Variants in COL25A1 observed in about 807,000 individuals in gnomAD.
COL25A1 encodes collagen type XXV alpha 1 chain, also known as collagen alpha-1(XXV) chain.
In COL25A1, 103 loss-of-function variants were observed where a neutral mutation model predicts 128.4. The observed-to-expected ratio is 0.80, with a 90% CI of 0.68 to 0.94. COL25A1 has a LOEUF of 0.94. Ranked by LOEUF, COL25A1 falls within the 40% of genes least tolerant of loss-of-function variation. The probability of loss-of-function intolerance (pLI) is 0.00; values close to 1 mark genes in which losing one functional copy is unlikely to be tolerated. For missense variants in COL25A1, 745 were observed against 840.0 expected (o/e 0.89, Z 1.40); for synonymous variants, 279 against 277.2 (o/e 1.01, Z -0.06).
At chr4:109,253,575 T>C (rs1780808153) in intron 3 of COL25A1, among the ~76,000 whole-genome samples, 1 of 152,076 alleles carries the variant, frequency 6.6e-6, no homozygotes, top group Non-Finnish European at 1.5e-5. Context: ...CAGAAAAACG[T>C]TTAACCAAAT....
At chr4:108,883,451 A>T (rs891944915) in intron 19 of COL25A1, among the ~76,000 whole-genome samples, 2 of 152,190 alleles carry the variant, frequency 1.3e-5, no homozygotes, top group Admixed American at 6.5e-5. Flanking sequence ...TAGAATATAT[A>T]AAAAAACTTT....
intron 6 of COL25A1, among the ~76,000 whole-genome samples, chr4:108,983,308 G>A (rs1269829513): frequency 2.6e-5 from 4 of 152,058 alleles, no homozygotes; most frequent in Admixed American, 2.6e-4. Flanking sequence ...TGCCCTAGTA[G>A]CCCTGTGATT....
At chr4:109,177,511 C>A (rs1355175118) in intron 3 of COL25A1, among the ~76,000 whole-genome samples, 1 of 152,150 alleles carries the variant, frequency 6.6e-6, no homozygotes, top group Non-Finnish European at 1.5e-5. Flanking sequence ...CCACCCCAGA[C>A]CCTATTCCTT....
intron 3 of COL25A1, among the ~76,000 whole-genome samples, chr4:109,219,160 G>A (rs559869385): frequency 6.6e-6 from 1 of 152,210 alleles, no homozygotes; most frequent in African/African-American, 2.4e-5. Context: ...CAGTCTGGAA[G>A]GCTTGATTTA....
chr4:109,081,994 C>G lies in COL25A1; in HGVS notation c.368-31815G>C, dbSNP rs28769054. On this transcript the variant is annotated intron_variant, in intron 3 of 37. Transcript: ENST00000399132. ...TGCTGGGATTACAGGTGTGAGCCACCGCGCGTAGCCCACTAATCTCTTTTC... is the reference window on the plus strand; with the variant it reads ...TGCTGGGATTACAGGTGTGAGCCACGGCGCGTAGCCCACTAATCTCTTTTC... Among the ~76,000 whole-genome samples the G allele has an allele frequency of 9.3e-3, 1,415 of 152,278 alleles. 24 individuals carry two copies. Among genetic ancestry groups the G allele is most frequent in the African/African-American group, 0.032 (1,336 of 41,558 alleles).
At chr4:108,940,789 G>C in intron 9 of COL25A1, 143 bp from the exon 10 acceptor site, 1 of 584,520 alleles carries the variant, frequency 1.7e-6, no homozygotes, top group South Asian at 2.4e-5. Flanking sequence ...AAAGCCTGTA[G>C]GCAATTTGCT....
At chr4:109,187,289 A>C (rs912232138) in intron 3 of COL25A1, among the ~76,000 whole-genome samples, 5 of 151,792 alleles carry the variant, frequency 3.3e-5, no homozygotes, top group Middle Eastern at 3.4e-3. Flanking sequence ...GTGTATTTAA[A>C]TTAAGTAGAT....
intron 3 of COL25A1, among the ~76,000 whole-genome samples, chr4:109,111,866 C>T (rs1715508058): frequency 6.6e-6 from 1 of 152,072 alleles, no homozygotes; most frequent in Non-Finnish European, 1.5e-5. Flanking sequence ...ATAGTAGATG[C>T]TTAATACATA....
At position 108,808,834 on chromosome 4, in the gene COL25A1, G is replaced by A. The variant is rs1030793676; in HGVS notation, c.*5093C>T. The A allele has an allele frequency of 6.6e-6, 1 of 152,022 alleles. No homozygotes were observed. Among genetic ancestry groups the A allele is most frequent in the African/African-American group, 2.4e-5 (1 of 41,404 alleles). The allele number at this position is 152,022 out of a possible 1,614,324, so 9.4% of individuals were successfully genotyped here. A position where few individuals can be genotyped will look rare whatever the true frequency, so the allele number is the denominator to read the frequency against. ...ACATTATGAAAATAAGTCATAAATA[G>A]TGTAAAAATAATTCTGAAGATCAAC... On this transcript the variant is annotated 3_prime_UTR_variant, in exon 38 of 38. Transcript: ENST00000399132.
At chr4:109,030,888 G>C (rs1758787637) in intron 5 of COL25A1, among the ~76,000 whole-genome samples, 1 of 152,026 alleles carries the variant, frequency 6.6e-6, no homozygotes, top group Admixed American at 6.5e-5. Flanking sequence ...GAGTAGCTGG[G>C]TCTACATGCC....
At chr4:108,823,614 C>G (rs910754808) in intron 35 of COL25A1, among the ~76,000 whole-genome samples, 24 of 152,268 alleles carry the variant, frequency 1.6e-4, no homozygotes, top group African/African-American at 5.3e-4. Flanking sequence ...ATAAAATACA[C>G]CAATATCTCT....
At chr4:109,019,159 C>T (rs1208168193) in intron 5 of COL25A1, among the ~76,000 whole-genome samples, 1 of 151,780 alleles carries the variant, frequency 6.6e-6, no homozygotes, top group Non-Finnish European at 1.5e-5. Context: ...GGCAGAAAAA[C>T]ATGAAAAAGA....
intron 3 of COL25A1, among the ~76,000 whole-genome samples, chr4:109,207,099 T>C (rs996017023): frequency 2.0e-5 from 3 of 152,226 alleles, no homozygotes; most frequent in African/African-American, 7.2e-5. Context: ...AACACTTTAA[T>C]GACTCTGGCT....
At chr4:109,065,096 C>G (rs924709422) in intron 3 of COL25A1, among the ~76,000 whole-genome samples, 1 of 152,190 alleles carries the variant, frequency 6.6e-6, no homozygotes, top group Non-Finnish European at 1.5e-5. Flanking sequence ...TTGGGCTCAT[C>G]TAGCCCCTCG....
chr4:109,082,786 G>C (rs1763957880), intron 3 of COL25A1, among the ~76,000 whole-genome samples: 1 of 151,954 alleles, frequency 6.6e-6, no homozygotes, highest in South Asian at 2.1e-4. Flanking sequence ...TTTATTTTAG[G>C]TTCGTGGTTA....
At chr4:109,105,058 A>AG (rs371294189) in intron 3 of COL25A1, among the ~76,000 whole-genome samples, 2 of 152,206 alleles carry the variant, frequency 1.3e-5, no homozygotes, top group African/African-American at 2.4e-5. Flanking sequence ...TCCTGGTGGT[A>AG]GGGGGAAGTG....
chr4:109,063,650 G>T (rs1353393324), intron 3 of COL25A1, among the ~76,000 whole-genome samples: 3 of 152,124 alleles, frequency 2.0e-5, no homozygotes, highest in Non-Finnish European at 4.4e-5. Context: ...ACCAGCCTGG[G>T]CAAAACAGTG....
intron 3 of COL25A1, among the ~76,000 whole-genome samples, chr4:109,275,655 T>G (rs1028423521): frequency 1.3e-5 from 2 of 152,208 alleles, no homozygotes; most frequent in Non-Finnish European, 2.9e-5. Context: ...CTCAAAGAGT[T>G]GTAATGATCC....
At chr4:109,168,341 T>C (rs1163036289) in intron 3 of COL25A1, among the ~76,000 whole-genome samples, 14 of 152,180 alleles carry the variant, frequency 9.2e-5, no homozygotes, top group African/African-American at 3.4e-4. Flanking sequence ...CAAATAAATA[T>C]GGAGATCAAA....
Sources: gnomAD v4.1 joint callset for allele counts (sites outside exome capture counted in the v4.1 genomes callset) on GRCh38, gnomAD v4.1.1 for gene constraint, MANE v1.5 for transcripts, NCBI Gene and HGNC (gene_info 2026-07-23, HGNC 2026-07-21) for gene names.